Variants in BMPR2 observed in about 807,000 individuals in gnomAD.
The protein encoded by BMPR2 is bone morphogenetic protein receptor type 2, also known as bone morphogenetic protein receptor type-2.
In BMPR2, 29 loss-of-function variants were observed where a neutral mutation model predicts 100.8. The observed-to-expected ratio is 0.29, with a 90% CI of 0.21 to 0.39. The LOEUF is 0.39. Ranked by LOEUF, BMPR2 falls within the 10% of genes least tolerant of loss-of-function variation. The pLI is 1.00. For synonymous variants in BMPR2, 382 were observed against 442.3 expected, an observed-to-expected ratio of 0.86 and a Z score of 1.71; for missense variants, 1,011 against 1,274.5, an observed-to-expected ratio of 0.79 and a Z score of 3.15.
intron 3 of BMPR2, among the ~76,000 whole-genome samples, chr2:202,492,721 A>C (rs1485656299): frequency 1.8e-4 from 27 of 149,128 alleles, no homozygotes; most frequent in Non-Finnish European, 3.4e-4. Flanking sequence ...AAAAAAAAAA[A>C]AACCAAAAAA....
At chr2:202,377,654 C>T in intron 1 of BMPR2, 104 bp downstream of exon 1, 2 of 1,371,578 alleles carry the variant, frequency 1.5e-6, no homozygotes, top group South Asian at 2.4e-5. Context: ...CATGCGTCCC[C>T]CCGATCGCGG....
chr2:202,382,058 GTTTTTTT>G (rs1216592236), intron 1 of BMPR2, among the ~76,000 whole-genome samples: 2 of 113,648 alleles, frequency 1.8e-5, no homozygotes, highest in African/African-American at 6.4e-5. Flanking sequence ...TTTTGTTTTT[GTTTTTTT>G]TTTTTTTTTT....
intron 1 of BMPR2, among the ~76,000 whole-genome samples, chr2:202,413,471 A>G (rs1222032226): frequency 1.3e-5 from 2 of 152,148 alleles, no homozygotes; most frequent in South Asian, 2.1e-4. Flanking sequence ...TTGATCTGTT[A>G]ATGCAAATGT....
chr2:202,386,541 C>G (rs763784795), intron 1 of BMPR2, among the ~76,000 whole-genome samples: 1 of 152,144 alleles, frequency 6.6e-6, no homozygotes, highest in East Asian at 1.9e-4. Context: ...CTTCTTACCA[C>G]CTCCACTGTG....
At chr2:202,468,895 AAC>A (rs1337525044) in intron 3 of BMPR2, among the ~76,000 whole-genome samples, 37 of 152,236 alleles carry the variant, frequency 2.4e-4, no homozygotes, top group African/African-American at 8.7e-4. Flanking sequence ...TAAAAAAAGA[AAC>A]AAAGAATAAA....
intron 10 of BMPR2, among the ~76,000 whole-genome samples, chr2:202,548,326 C>T (rs1255344008): frequency 6.6e-6 from 1 of 152,054 alleles, no homozygotes; most frequent in African/African-American, 2.4e-5. Context: ...ATAGTGCACA[C>T]TTGTAGTCTA....
chr2:202,542,469 A>G (rs201941008), intron 10 of BMPR2, 22 bp downstream of exon 10: 1 of 1,612,424 alleles, frequency 6.2e-7, no homozygotes, highest in African/African-American at 1.3e-5. Context: ...CTAAGTTATT[A>G]AAGAGAGGAC....
At chr2:202,459,835 A>G (rs1190739698) in intron 1 of BMPR2, among the ~76,000 whole-genome samples, 1 of 152,278 alleles carries the variant, frequency 6.6e-6, no homozygotes, top group Non-Finnish European at 1.5e-5. Context: ...GACAACCTAC[A>G]GAATGGGAGT....
At chr2:202,523,915 AG>A (rs1385793742) in intron 7 of BMPR2, among the ~76,000 whole-genome samples, 5 of 152,232 alleles carry the variant, frequency 3.3e-5, no homozygotes, top group African/African-American at 1.2e-4. Flanking sequence ...GAGCTGGAGT[AG>A]GTTATGCTAA....
intron 10 of BMPR2, among the ~76,000 whole-genome samples, chr2:202,549,591 AT>A (rs1411720649): frequency 3.9e-5 from 6 of 152,088 alleles, no homozygotes; most frequent in Non-Finnish European, 7.4e-5. Flanking sequence ...TCTACTAAAA[AT>A]ACAAAAATTA....
intron 1 of BMPR2, among the ~76,000 whole-genome samples, chr2:202,388,619 C>T (rs1690482952): frequency 6.6e-6 from 1 of 151,484 alleles, no homozygotes; most frequent in African/African-American, 2.4e-5. Flanking sequence ...CCCGTCTCTA[C>T]AACAAAATAC....
At position 202,446,278 on chromosome 2, in the gene BMPR2, A is replaced by T. The variant is rs187293789; in HGVS notation, c.77-18531A>T. 2.1e-3 allele frequency among the ~76,000 whole-genome samples: 308 copies of T among 150,168 alleles called. 20 individuals are homozygous for T. The highest frequency in any genetic ancestry group is 7.3e-3 in the African/African-American group (288 of 39,694). On this transcript the variant is annotated intron_variant, in intron 1 of 12. Transcript: ENST00000374580. Reference sequence around the variant, plus strand: ...GCTGGGCATGGTGGCGCATGCCTGTAATCCCAGCTACTTGGGAGGCTGAGG... The same window carrying T: ...GCTGGGCATGGTGGCGCATGCCTGTTATCCCAGCTACTTGGGAGGCTGAGG...
At chr2:202,486,030 T>C (rs1408956858) in intron 3 of BMPR2, among the ~76,000 whole-genome samples, 2 of 152,002 alleles carry the variant, frequency 1.3e-5, no homozygotes, top group Admixed American at 6.6e-5. Flanking sequence ...ATCCCAAGCA[T>C]TGAAGGATTT....
chr2:202,506,478 T>C (rs1574482966), intron 3 of BMPR2, among the ~76,000 whole-genome samples: 1 of 152,154 alleles, frequency 6.6e-6, no homozygotes, highest in East Asian at 1.9e-4. Context: ...TTGTTTTGTT[T>C]TTTTATAAGG....
At chr2:202,433,866 C>T (rs528544986) in intron 1 of BMPR2, among the ~76,000 whole-genome samples, 4 of 150,244 alleles carry the variant, frequency 2.7e-5, no homozygotes, top group Non-Finnish European at 4.4e-5. Context: ...CAAGATCGCA[C>T]GACTACACTC....
chr2:202,464,952 A>G lies in BMPR2; in HGVS notation c.220A>G (p.Lys74Glu), dbSNP rs757855256. Residue 74 changes from lysine to glutamate, a missense_variant, in exon 2 of 13, where the codon AAA becomes GAA. Physicochemically the swap from Lys to Glu is moderately conservative, Grantham distance 56 (BLOSUM62 1). Coordinates refer to ENST00000374580, the MANE Select transcript of BMPR2 (RefSeq NM_001204.7). ...CTGCTATGGCCTTTGGGAGAAATCA[A>G]AAGGGGACATAAATCTTGTAAAACA... ...STCYGLWEKS[K>E]GDINLVKQGC... is the part of the protein sequence containing the mutation. The G allele has an allele frequency of 4.3e-5, 70 of 1,614,068 alleles. No homozygotes were observed. The highest frequency in any genetic ancestry group is 1.7e-5 in the Admixed American group (1 of 59,992).
Position 202,556,539 on chromosome 2 carries a change from G to C in BMPR2, c.2866+8G>C. The C allele has an allele frequency of 6.8e-6, 11 of 1,610,674 alleles. No individual in the cohort carries two copies. Among genetic ancestry groups the C allele is most frequent in the Non-Finnish European group, 9.3e-6 (11 of 1,179,948 alleles). On this transcript the variant is annotated splice_region_variant and intron_variant, in intron 12 of 12. Coordinates refer to ENST00000374580, the MANE Select transcript of BMPR2 (RefSeq NM_001204.7). ...ATGGCAGCAGTATACAGAGTAAGTG[G>C]AGGGATCATATAATCTCTCCTGTGT...
intron 1 of BMPR2, among the ~76,000 whole-genome samples, chr2:202,448,866 G>A (rs1053977851): frequency 1.3e-5 from 2 of 151,908 alleles, no homozygotes; most frequent in Non-Finnish European, 2.9e-5. Context: ...AATTAGGAGA[G>A]AACAATATAT....
intron 7 of BMPR2, among the ~76,000 whole-genome samples, chr2:202,524,618 C>T (rs1034066796): frequency 5.3e-5 from 8 of 151,788 alleles, no homozygotes; most frequent in African/African-American, 1.7e-4. Flanking sequence ...AATAGCCAGG[C>T]ATAGTAGCAT....
Sources: allele counts gnomAD v4.1 joint callset (sites outside exome capture counted in the v4.1 genomes callset), GRCh38; gene constraint gnomAD v4.1.1; transcripts MANE v1.5; gene names NCBI Gene and HGNC (gene_info 2026-07-23, HGNC 2026-07-21).